CAPN1: variants seen among roughly 807,000 people sequenced by gnomAD.
CAPN1 encodes calpain 1.
A neutral mutation model predicts 105.2 loss-of-function variants in CAPN1; 77 were observed. The ratio of observed to expected loss-of-function variants is 0.73; its 90% confidence interval spans 0.61 to 0.88. The LOEUF is 0.88. Ranked by LOEUF, CAPN1 falls within the 40% of genes least tolerant of loss-of-function variation. CAPN1 has a pLI of 0.00. For missense variants in CAPN1, 833 were observed against 976.6 expected (o/e 0.85, Z 1.96); for synonymous variants, 355 against 388.8 (o/e 0.91, Z 1.02).
chr11:65,183,663 G>A (rs1948587831), intron 4 of CAPN1, 71 bp downstream of exon 4: 8 of 1,032,786 alleles, frequency 7.7e-6, no homozygotes, highest in Admixed American at 3.7e-5. Context: ...CACAATACCT[G>A]CAGTTAGGGC....
At position 65,182,694 on chromosome 11, in the gene CAPN1, C is replaced by T. The variant is rs1393804643; in HGVS notation, c.-1-7C>T. On this transcript the variant is annotated splice_region_variant and splice_polypyrimidine_tract_variant and intron_variant, in intron 1 of 21. Coordinates refer to ENST00000279247, the MANE Select transcript of CAPN1 (RefSeq NM_005186.4). ...CTGGGTTCTGAGCAGGCCCATCTGT[C>T]CGGCAGGATGTCGGAGGAGATCATC... 6.5e-7 allele frequency: 1 copy of T among 1,543,926 alleles called. No homozygotes were observed. Among genetic ancestry groups the T allele is most frequent in the East Asian group, 2.4e-5 (1 of 42,480 alleles).
chr11:65,198,858 G>A (rs1255471341), intron 10 of CAPN1, among the ~76,000 whole-genome samples: 4 of 151,888 alleles, frequency 2.6e-5, no homozygotes, highest in Non-Finnish European at 5.9e-5. Flanking sequence ...GGCAGTTGAC[G>A]GAGTCGCGCT....
At position 65,208,053 on chromosome 11, in the gene CAPN1, A is replaced by G. The variant is rs1267275027; in HGVS notation, c.1606-2A>G. The G allele has an allele frequency of 1.3e-6, 2 of 1,591,304 alleles. No individual in the cohort carries two copies. The highest frequency in any genetic ancestry group is 3.5e-5 in the Admixed American group (2 of 56,660). On this transcript the variant is annotated splice_acceptor_variant, in intron 14 of 21. Transcript: ENST00000279247. LOFTEE classifies it high-confidence loss of function. The surrounding 1 kb of genome is among the most constrained non-coding windows in gnomAD (Gnocchi z 4.1). ...ACCTGCTTTCTCCCCTTCTCGGTCC[A>G]GCAAGTGCTCTCAGAAGAGGAGATT... is the stretch of plus-strand genomic sequence containing the variant.
intron 21 of CAPN1, 177 bp downstream of exon 21, chr11:65,211,049 GAGC>G (rs1315937633): frequency 1.6e-5 from 12 of 744,534 alleles, no homozygotes; most frequent in Non-Finnish European, 2.7e-5. Context: ...TCTGGGAAAG[GAGC>G]AGGAGGGGAG....
intron 10 of CAPN1, among the ~76,000 whole-genome samples, chr11:65,199,120 G>A (rs1305856316): frequency 1.3e-5 from 2 of 152,148 alleles, no homozygotes; most frequent in South Asian, 2.1e-4. Context: ...CAGGCATGAA[G>A]TACCACACCT....
At position 65,206,631 on chromosome 11, in the gene CAPN1, G is replaced by A. The variant is rs529524929; in HGVS notation, c.1522G>A (p.Asp508Asn). The A allele has an allele frequency of 4.3e-5, 69 of 1,613,394 alleles. 1 individual carries two copies. In the South Asian group the frequency reaches 7.0e-4, roughly 16 times the overall value. The change falls in exon 13 of 22, where the codon GAC (aspartate) becomes AAC (asparagine). Residue 508 changes from aspartate (D) to asparagine (N), a missense_variant. By Grantham distance (23) the Asp-to-Asn change is conservative. Coordinates refer to ENST00000279247, the MANE Select transcript of CAPN1 (RefSeq NM_005186.4). ...CACCTTCGAGCCCAACAAGGAGGGC[G>A]ACTTCGTGCTGCGCTTCTTCTCAGA... ...PSTFEPNKEG[D>N]FVLRFFSEKS... is the part of the protein sequence containing the mutation.
At chr11:65,205,280 ACTC>A in intron 11 of CAPN1, among the ~76,000 whole-genome samples, 1 of 151,912 alleles carries the variant, frequency 6.6e-6, no homozygotes, top group Middle Eastern at 3.4e-3. Context: ...TGGGATTAGA[ACTC>A]CTTGCTCTTG....
At position 65,209,339 on chromosome 11, in the gene CAPN1, C is replaced by T; in HGVS notation, c.1746C>T (p.Thr582=). 6.2e-7 allele frequency: 1 copy of T among 1,613,714 alleles called. No individual in the cohort carries two copies. Among genetic ancestry groups the T allele is most frequent in the Non-Finnish European group, 8.5e-7 (1 of 1,179,754 alleles). ...TTCTTGCAGACAAAGACCTGCGGAC[C>T]AAGGGCTTCAGCCTAGAGTCGTGCC... is the stretch of plus-strand genomic sequence containing the variant. ...RIISKHKDLR[T]KGFSLESCRS... The change falls in exon 17 of 22, where the codon ACC becomes ACT. Residue 582 remains threonine (T), a synonymous_variant. Coordinates refer to ENST00000279247, the MANE Select transcript of CAPN1 (RefSeq NM_005186.4). The surrounding 1 kb of genome is among the most constrained non-coding windows in gnomAD (Gnocchi z 4.1).
Position 65,208,591 on chromosome 11 carries a change from A to G in CAPN1, c.1729+329A>G, listed in dbSNP as rs1024526915. 1 of 427,154 alleles carries G rather than the reference A, an allele frequency of 2.3e-6. No individual in the cohort carries two copies. Among genetic ancestry groups the G allele is most frequent in the African/African-American group, 2.0e-5 (1 of 49,756 alleles). The allele number at this position is 427,154 out of a possible 1,614,324, so 26.5% of individuals were successfully genotyped here. On this transcript the variant is annotated intron_variant, in intron 16 of 21. Coordinates refer to ENST00000279247, the MANE Select transcript of CAPN1 (RefSeq NM_005186.4). This position sits in a 1 kb window ranked among gnomAD's most constrained non-coding sequence, Gnocchi z 4.1. Reference sequence around the variant, plus strand: ...CCAGGAGTTCAACACCAGCCTGGACAATATGGAGAGACCCTGTCTCTGCAA... The same window carrying G: ...CCAGGAGTTCAACACCAGCCTGGACGATATGGAGAGACCCTGTCTCTGCAA...
At chr11:65,194,096 G>A (rs1948758832) in intron 10 of CAPN1, among the ~76,000 whole-genome samples, 1 of 150,854 alleles carries the variant, frequency 6.6e-6, no homozygotes, top group Non-Finnish European at 1.5e-5. Context: ...CAAGTAACTG[G>A]AATTACAGGC....
rs116444280 is a variant in CAPN1, at chr11:65,189,873, A to G, written c.1165+1127A>G. On this transcript the variant is annotated intron_variant, in intron 10 of 21. Coordinates refer to ENST00000279247, the MANE Select transcript of CAPN1 (RefSeq NM_005186.4). ...TCCACTCTCACCTCGATATCTCCCC[A>G]CTGTTACTCTCACCTTCGGGCCTGG... Among the ~76,000 whole-genome samples, 738 of 152,092 alleles carry G rather than the reference A, an allele frequency of 4.9e-3. 8 individuals carry two copies. The highest frequency in any genetic ancestry group is 0.017 in the African/African-American group (712 of 41,478).
intron 10 of CAPN1, among the ~76,000 whole-genome samples, chr11:65,193,231 G>A (rs1218308090): frequency 8.7e-5 from 13 of 148,656 alleles, no homozygotes; most frequent in Non-Finnish European, 1.3e-4. Context: ...CTCCTGCCTC[G>A]GCCTCCCAAA....
upstream of CAPN1, chr11:65,181,488 AC>A (rs1188593759): frequency 1.1e-5 from 3 of 260,964 alleles, no homozygotes; most frequent in African/African-American, 7.1e-5. This position sits in a 1 kb window ranked among gnomAD's most constrained non-coding sequence, Gnocchi z 4.6. Context: ...GGAGCTGGGG[AC>A]CGGGCGGGCC....
chr11:65,193,491 A>G (rs992053286), intron 10 of CAPN1, among the ~76,000 whole-genome samples: 1 of 151,516 alleles, frequency 6.6e-6, no homozygotes, highest in Non-Finnish European at 1.5e-5. Context: ...TAAAAATACA[A>G]AAAATTAGCC....
intron 10 of CAPN1, among the ~76,000 whole-genome samples, chr11:65,191,528 G>A (rs1211219915): frequency 2.6e-5 from 4 of 151,966 alleles, no homozygotes; most frequent in Admixed American, 2.0e-4. Context: ...ACAGGCGTGC[G>A]GCACCACACC....
rs142949432 is a variant in CAPN1, at chr11:65,197,750, G to C, written c.1166-6933G>C. Among the ~76,000 whole-genome samples the C allele has an allele frequency of 6.7e-3, 1,014 of 152,182 alleles. 13 individuals are homozygous for C. The highest frequency in any genetic ancestry group is 0.023 in the African/African-American group (973 of 41,514). On this transcript the variant is annotated intron_variant, in intron 10 of 21. Coordinates refer to ENST00000279247, the MANE Select transcript of CAPN1 (RefSeq NM_005186.4). Reference sequence around the variant, plus strand: ...AAAAATACAAAAATTAGCCGGGCAAGGTGGGTAGGTGCCTGTAATGCCAGC... The same window carrying C: ...AAAAATACAAAAATTAGCCGGGCAACGTGGGTAGGTGCCTGTAATGCCAGC...
intron 10 of CAPN1, among the ~76,000 whole-genome samples, chr11:65,194,444 A>G (rs1948763790): frequency 6.6e-6 from 1 of 152,220 alleles, no homozygotes. Context: ...AGTATAATTC[A>G]CACACCAGAA....
chr11:65,184,446 G>A (rs1948602103), intron 4 of CAPN1, among the ~76,000 whole-genome samples: 1 of 151,086 alleles, frequency 6.6e-6, no homozygotes, highest in Admixed American at 6.6e-5. Context: ...CACACTCTCC[G>A]CAACCTGGGC....
In CAPN1 at chr11:65,210,690, G is replaced by C; in HGVS notation, c.2060-124G>C. 1 of 824,608 alleles carries C rather than the reference G, an allele frequency of 1.2e-6. No homozygotes were observed. The highest frequency in any genetic ancestry group is 2.4e-5 in the East Asian group (1 of 41,004). 51.1% of individuals were successfully genotyped at this position (824,608 alleles called of 1,614,324 possible). A position where few individuals can be genotyped will look rare whatever the true frequency, so the allele number is the denominator to read the frequency against. ...AGGGGTGAAGCTTCCCAGCTTCAAG[G>C]GGTGTCAGCTTGCGGTACTGTGGGG... On this transcript the variant is annotated intron_variant, in intron 20 of 21. Transcript: ENST00000279247. The surrounding 1 kb of genome is among the most constrained non-coding windows in gnomAD (Gnocchi z 4.3).
Sources: allele counts gnomAD v4.1 joint callset (sites outside exome capture counted in the v4.1 genomes callset), GRCh38; gene constraint gnomAD v4.1.1; non-coding constraint Gnocchi (gnomAD v3.1); transcripts MANE v1.5; gene names NCBI Gene and HGNC (gene_info 2026-07-23, HGNC 2026-07-21).